The following PRKAR1B variants were observed in gnomAD, a reference collection of about 807,000 sequenced individuals.
PRKAR1B encodes protein kinase cAMP-dependent type I regulatory subunit beta, also known as cAMP-dependent protein kinase type I-beta regulatory subunit.
PRKAR1B carries 22 observed loss-of-function variants against 46.5 expected under a neutral mutation model. That is an observed-to-expected ratio of 0.47 (90% CI 0.34 to 0.68). The LOEUF (loss-of-function observed/expected upper bound fraction) is 0.68, where lower values mean the gene tolerates loss of function less well. Among genes scored for constraint, PRKAR1B ranks in the 30% least tolerant of loss-of-function variants. The pLI is 0.01. For synonymous variants in PRKAR1B, 259 were observed against 217.7 expected (o/e 1.19, Z -1.67); for missense variants, 445 against 535.6 (o/e 0.83, Z 1.67).
chr7:702,056 G>A (rs1442667024), intron 2 of PRKAR1B, among the ~76,000 whole-genome samples: 1 of 152,176 alleles, frequency 6.6e-6, no homozygotes, highest in Admixed American at 6.5e-5. Context: ...GTGGGGGAAA[G>A]TTCAACATGT....
At chr7:624,437 GA>G (rs113289360) in intron 4 of PRKAR1B, among the ~76,000 whole-genome samples, 6,359 of 144,088 alleles carry the variant, frequency 0.044, 411 homozygotes, top group African/African-American at 0.15. Context: ...ATCTCAAAAA[GA>G]AAAAAAAAAA....
chr7:571,108 G>A (rs569529364), intron 9 of PRKAR1B, among the ~76,000 whole-genome samples: 76 of 152,302 alleles, frequency 5.0e-4, no homozygotes, highest in Middle Eastern at 3.4e-3. Context: ...TCCAGAAGGC[G>A]GCCCCAAAAG....
At chr7:571,521 G>A (rs1464410836) in intron 9 of PRKAR1B, among the ~76,000 whole-genome samples, 5 of 152,302 alleles carry the variant, frequency 3.3e-5, no homozygotes, top group African/African-American at 1.2e-4. Context: ...TCAACGTTGT[G>A]GACATTCATA....
intron 8 of PRKAR1B, among the ~76,000 whole-genome samples, chr7:583,529 A>AG (rs1780380303): frequency 8.2e-6 from 1 of 122,178 alleles, no homozygotes; most frequent in African/African-American, 3.3e-5. Context: ...GCGTGCACAC[A>AG]CCCACTCACA....
intron 4 of PRKAR1B, among the ~76,000 whole-genome samples, chr7:649,160 TCTCA>T (rs1784767820): frequency 2.6e-5 from 4 of 152,212 alleles, no homozygotes; most frequent in Non-Finnish European, 5.9e-5. Flanking sequence ...TGAGACTCCG[TCTCA>T]AAATAAATAA....
chr7:709,493 C>T (rs1780510740), intron 2 of PRKAR1B, among the ~76,000 whole-genome samples: 1 of 151,860 alleles, frequency 6.6e-6, no homozygotes, highest in South Asian at 2.1e-4. Flanking sequence ...GCCTCAGCCT[C>T]CTGAGTAGCT....
At chr7:590,345 G>C (rs1317214072) in intron 7 of PRKAR1B, among the ~76,000 whole-genome samples, 1 of 152,250 alleles carries the variant, frequency 6.6e-6, no homozygotes, top group African/African-American at 2.4e-5. Context: ...AGCTGAACAT[G>C]GCTGCAGGCC....
intron 8 of PRKAR1B, among the ~76,000 whole-genome samples, chr7:580,848 C>T (rs1349259357): frequency 6.6e-6 from 1 of 151,730 alleles, no homozygotes; most frequent in Non-Finnish European, 1.5e-5. Flanking sequence ...TATTTTACAT[C>T]TAGGTTAGGA....
rs1229175788 is a variant in PRKAR1B at position 593,363 on chromosome 7, A to G, written c.708+2783T>C. Among the ~76,000 whole-genome samples the G allele has an allele frequency of 2.6e-5, 4 of 152,150 alleles. No individual in the cohort carries two copies. The highest frequency in any genetic ancestry group is 6.5e-5 in the Admixed American group (1 of 15,280). The stretch of plus-strand genomic sequence containing the variant: ...GAGCTGTGTGAGGAGCTCGGGGCCA[A>G]TACAGAAACAGACACCATCCTGCAA... On this transcript the variant is annotated intron_variant, in intron 7 of 10. Transcript: ENST00000537384. The surrounding 1 kb of genome is among the most constrained non-coding windows in gnomAD (Gnocchi z 6.1).
intron 2 of PRKAR1B, among the ~76,000 whole-genome samples, chr7:694,075 G>A (rs1779593347): frequency 6.6e-6 from 1 of 152,106 alleles, no homozygotes; most frequent in Non-Finnish European, 1.5e-5. Context: ...ACGAGGTCAG[G>A]AGATGGAGAC....
Position 700,143 on chromosome 7 carries a change from G to A in PRKAR1B, c.177+11186C>T, listed in dbSNP as rs558311665. On this transcript the variant is annotated intron_variant, in intron 2 of 10. Coordinates refer to ENST00000537384, the MANE Select transcript of PRKAR1B (RefSeq NM_001164760.2). ...AGTGTGAGGTTCAACCCCAAGTTTC[G>A]TATGCACAGAACACAGAGAACCACA... 6.2e-4 allele frequency among the ~76,000 whole-genome samples: 95 copies of A among 152,242 alleles called. 1 individual carries two copies. The highest frequency in any genetic ancestry group is 4.8e-3 in the South Asian group (23 of 4,826).
At chr7:685,191 C>T (rs1428937807) in intron 2 of PRKAR1B, among the ~76,000 whole-genome samples, 4 of 144,912 alleles carry the variant, frequency 2.8e-5, no homozygotes, top group African/African-American at 1.0e-4. Context: ...AGAGAAAAAC[C>T]ATGTCTGTAT....
At chr7:700,552 G>A (rs1780001309) in intron 2 of PRKAR1B, among the ~76,000 whole-genome samples, 1 of 152,140 alleles carries the variant, frequency 6.6e-6, no homozygotes, top group Non-Finnish European at 1.5e-5. Flanking sequence ...AGATGCTAGA[G>A]ATGACGGGAT....
rs1280955233 is a variant in PRKAR1B at position 669,203 on chromosome 7, G to A, written c.440+8026C>T. On this transcript the variant is annotated intron_variant, in intron 4 of 10. Coordinates refer to ENST00000537384, the MANE Select transcript of PRKAR1B (RefSeq NM_001164760.2). The stretch of plus-strand genomic sequence containing the variant: ...TGTGGATGCACCTTGAAAACACTGT[G>A]CTCAGTGAAAGAGCCCATCACGAAA... Among the ~76,000 whole-genome samples the A allele has an allele frequency of 3.3e-5, 5 of 152,256 alleles. No individual in the cohort carries two copies. The East Asian group carries it at 9.6e-4, about 29-fold the overall frequency.
chr7:630,795 A>T (rs1269752472), intron 4 of PRKAR1B, among the ~76,000 whole-genome samples: 1 of 151,892 alleles, frequency 6.6e-6, no homozygotes, highest in Non-Finnish European at 1.5e-5. Flanking sequence ...AGGTGCAGGG[A>T]TGGGGAGCAC....
chr7:595,703 G>T (rs993713833), intron 7 of PRKAR1B, among the ~76,000 whole-genome samples: 1 of 152,178 alleles, frequency 6.6e-6, no homozygotes, highest in African/African-American at 2.4e-5. Flanking sequence ...GCTCAGAGTA[G>T]ATCTGGCCAC....
intron 9 of PRKAR1B, among the ~76,000 whole-genome samples, chr7:571,325 G>A (rs949418138): frequency 6.6e-6 from 1 of 152,130 alleles, no homozygotes; most frequent in Non-Finnish European, 1.5e-5. Context: ...TGTGCACGGG[G>A]TCCTCCAGGG....
intron 6 of PRKAR1B, among the ~76,000 whole-genome samples, chr7:598,451 T>A (rs1444367160): frequency 6.8e-5 from 4 of 59,124 alleles, no homozygotes; most frequent in East Asian, 8.5e-4. Context: ...CCCTCCACAC[T>A]AAATACCATC....
At chr7:572,404 G>A (rs554923051) in intron 9 of PRKAR1B, among the ~76,000 whole-genome samples, 6 of 152,336 alleles carry the variant, frequency 3.9e-5, no homozygotes, top group African/African-American at 1.2e-4. Context: ...CCACCCAGGA[G>A]GGGCCTGCTC....
Sources: gnomAD v4.1 joint callset for allele counts (sites outside exome capture counted in the v4.1 genomes callset) on GRCh38, gnomAD v4.1.1 for gene constraint, Gnocchi (gnomAD v3.1) non-coding constraint, MANE v1.5 for transcripts, NCBI Gene and HGNC (gene_info 2026-07-23, HGNC 2026-07-21) for gene names.